The following GALNT13 variants were observed in gnomAD, a reference collection of about 807,000 sequenced individuals.
GALNT13 encodes the protein UDP-GalNAc:polypeptide N-acetylgalactosaminyltransferase 13.
GALNT13 carries 28 observed loss-of-function variants against 64.2 expected under a neutral mutation model. The ratio of observed to expected loss-of-function variants is 0.44; its 90% CI spans 0.32 to 0.60. The LOEUF is 0.60. Among genes scored for constraint, GALNT13 ranks in the 20% least tolerant of loss-of-function variants. The pLI is 0.05. For synonymous variants in GALNT13, 214 were observed against 224.6 expected (o/e 0.95, Z 0.42); for missense variants, 577 against 669.8 (o/e 0.86, Z 1.53).
At position 154,068,839 on chromosome 2, in the gene GALNT13, A is replaced by G. The variant is rs113415633; in HGVS notation, c.143-71498A>G. On this transcript the variant is annotated intron_variant, in intron 3 of 12. Transcript: ENST00000392825. ...CAACAGGGTGACTACAGTCAACAATAATTTATTGTACATTTTTAAATAACT... is the reference window on the plus strand; with the variant it reads ...CAACAGGGTGACTACAGTCAACAATGATTTATTGTACATTTTTAAATAACT... 2.4e-4 allele frequency among the ~76,000 whole-genome samples: 37 copies of G among 152,162 alleles called. 1 individual carries two copies. Among genetic ancestry groups the G allele is most frequent in the African/African-American group, 8.9e-4 (37 of 41,548 alleles).
chr2:154,367,082 A>C (rs1191786887), intron 9 of GALNT13, among the ~76,000 whole-genome samples: 2 of 152,148 alleles, frequency 1.3e-5, no homozygotes, highest in Non-Finnish European at 2.9e-5. Context: ...TTAAAAAAAA[A>C]TTGAAATTAT....
chr2:153,770,509 T>G, the GALNT13 span, among the ~76,000 whole-genome samples: 1 of 152,194 alleles, frequency 6.6e-6, no homozygotes, highest in Non-Finnish European at 1.5e-5. Context: ...TACGCACTGG[T>G]GTTGAAAGAT....
At chr2:153,741,537 G>A in the GALNT13 span, among the ~76,000 whole-genome samples, 1 of 151,930 alleles carries the variant, frequency 6.6e-6, no homozygotes, top group Non-Finnish European at 1.5e-5. Context: ...AATATGAGAA[G>A]TACTTAATAC....
chr2:154,185,611 A>G (rs1395474317), intron 4 of GALNT13, among the ~76,000 whole-genome samples: 2 of 151,714 alleles, frequency 1.3e-5, no homozygotes, highest in African/African-American at 4.8e-5. Flanking sequence ...TGATTCTTAT[A>G]TTTGATTAAA....
At chr2:153,222,584 T>C in the GALNT13 span, among the ~76,000 whole-genome samples, 1 of 152,094 alleles carries the variant, frequency 6.6e-6, no homozygotes, top group African/African-American at 2.4e-5. Context: ...ATGTCATCCA[T>C]GGTCCACTGC....
intron 11 of GALNT13, among the ~76,000 whole-genome samples, chr2:154,425,765 T>C (rs1700442193): frequency 6.6e-6 from 1 of 152,126 alleles, no homozygotes. Context: ...AATTCAGCAG[T>C]TCATGAAGGT....
the GALNT13 span, among the ~76,000 whole-genome samples, chr2:153,156,765 G>T: frequency 2.0e-5 from 3 of 152,164 alleles, no homozygotes; most frequent in Non-Finnish European, 4.4e-5. Flanking sequence ...TTTAGGGCAT[G>T]ATGCAGCTCT....
chr2:154,428,776 G>C (rs1226088885), intron 11 of GALNT13, among the ~76,000 whole-genome samples: 1 of 144,872 alleles, frequency 6.9e-6, no homozygotes, highest in Non-Finnish European at 1.5e-5. Context: ...TATGATCAGT[G>C]ATTTTTTTTT....
chr2:153,492,556 C>G, the GALNT13 span, among the ~76,000 whole-genome samples: 2 of 152,318 alleles, frequency 1.3e-5, no homozygotes, highest in East Asian at 3.9e-4. Context: ...CCAGCTACAT[C>G]TCCTTTCAAA....
chr2:154,023,139 T>C (rs1224410360), intron 3 of GALNT13, among the ~76,000 whole-genome samples: 1 of 152,080 alleles, frequency 6.6e-6, no homozygotes, highest in Non-Finnish European at 1.5e-5. Flanking sequence ...GAGTAGGTGT[T>C]GTGTAGTGCT....
chr2:153,670,256 C>A, the GALNT13 span, among the ~76,000 whole-genome samples: 5 of 152,142 alleles, frequency 3.3e-5, no homozygotes, highest in Non-Finnish European at 7.3e-5. Flanking sequence ...GGTCCCTGAC[C>A]CCTGTGTAGC....
At chr2:154,018,743 C>T (rs988980859) in intron 3 of GALNT13, among the ~76,000 whole-genome samples, 16 of 142,326 alleles carry the variant, frequency 1.1e-4, no homozygotes, top group South Asian at 4.5e-4. Context: ...ATGAAGAGGG[C>T]GAGGGAATGA....
chr2:153,256,690 G>C, the GALNT13 span, among the ~76,000 whole-genome samples: 6 of 152,036 alleles, frequency 3.9e-5, no homozygotes, highest in African/African-American at 1.4e-4. Context: ...CAGACATGCA[G>C]GTCTGTTGGA....
the GALNT13 span, among the ~76,000 whole-genome samples, chr2:153,723,405 G>T: frequency 6.7e-6 from 1 of 150,276 alleles, no homozygotes; most frequent in Non-Finnish European, 1.5e-5. Context: ...AGACAGGGAT[G>T]CCCTCTCTCA....
chr2:153,131,017 C>G, the GALNT13 span, among the ~76,000 whole-genome samples: 8 of 152,150 alleles, frequency 5.3e-5, no homozygotes, highest in African/African-American at 1.9e-4. Flanking sequence ...CTTACATACA[C>G]AGGAGAGATA....
At chr2:153,176,920 G>A in the GALNT13 span, among the ~76,000 whole-genome samples, 1 of 151,966 alleles carries the variant, frequency 6.6e-6, no homozygotes, top group Non-Finnish European at 1.5e-5. Flanking sequence ...TATAACCTAT[G>A]AAAATATACT....
the GALNT13 span, among the ~76,000 whole-genome samples, chr2:153,629,888 C>T: frequency 6.7e-6 from 1 of 148,178 alleles, no homozygotes; most frequent in Admixed American, 6.7e-5. Flanking sequence ...CCAAAAAACA[C>T]ATGAAAAAAT....
chr2:153,625,528 A>T, the GALNT13 span, among the ~76,000 whole-genome samples: 2 of 152,092 alleles, frequency 1.3e-5, no homozygotes, highest in Admixed American at 6.6e-5. Context: ...GAATTTGAAA[A>T]TCTGGGAAAA....
the GALNT13 span, among the ~76,000 whole-genome samples, chr2:153,552,651 G>A: frequency 6.8e-6 from 1 of 147,642 alleles, no homozygotes; most frequent in African/African-American, 2.5e-5. Flanking sequence ...AAAATGGGAA[G>A]GATGTGTTGG....
Sources: allele counts gnomAD v4.1 joint callset (sites outside exome capture counted in the v4.1 genomes callset), GRCh38; gene constraint gnomAD v4.1.1; transcripts MANE v1.5; gene names NCBI Gene and HGNC (gene_info 2026-07-23, HGNC 2026-07-21).